Variants in UVRAG observed in about 807,000 individuals in gnomAD.
UVRAG encodes UV radiation resistance-associated gene protein.
A neutral mutation model predicts 78.0 loss-of-function variants in UVRAG; 19 were observed. The ratio of observed to expected loss-of-function variants is 0.24; its 90% CI spans 0.17 to 0.36. UVRAG has a LOEUF of 0.36. Ranked by LOEUF, UVRAG falls within the 10% of genes least tolerant of loss-of-function variation. The pLI, the probability that UVRAG is intolerant of heterozygous loss-of-function variation, is 1.00. For missense variants in UVRAG, 740 were observed against 853.8 expected, an observed-to-expected ratio of 0.87 and a Z score of 1.66; for synonymous variants, 323 against 324.6, an observed-to-expected ratio of 1.00 and a Z score of 0.05.
chr11:75,965,924 A>G (rs889210990), intron 7 of UVRAG, among the ~76,000 whole-genome samples: 4 of 152,126 alleles, frequency 2.6e-5, no homozygotes, highest in East Asian at 1.9e-4. Flanking sequence ...GACAAAAAAA[A>G]TAGTAAGAAC....
chr11:76,029,604 A>G (rs1477146675), intron 12 of UVRAG, among the ~76,000 whole-genome samples: 1 of 152,188 alleles, frequency 6.6e-6, no homozygotes, highest in Non-Finnish European at 1.5e-5. Context: ...TAACTATTTC[A>G]TGATAAAAGT....
intron 6 of UVRAG, among the ~76,000 whole-genome samples, chr11:75,913,740 T>G (rs766830522): frequency 3.3e-5 from 5 of 152,196 alleles, no homozygotes; most frequent in Non-Finnish European, 5.9e-5. Flanking sequence ...GTAGATCCTT[T>G]TAATAGTCTC....
intron 1 of UVRAG, among the ~76,000 whole-genome samples, chr11:75,821,221 A>G (rs1945378334): frequency 6.6e-6 from 1 of 152,144 alleles, no homozygotes; most frequent in Non-Finnish European, 1.5e-5. Context: ...CAATGTTTTC[A>G]AGGTTCATCC....
At chr11:75,976,513 G>A (rs1298352151) in intron 7 of UVRAG, among the ~76,000 whole-genome samples, 1 of 152,152 alleles carries the variant, frequency 6.6e-6, no homozygotes, top group East Asian at 1.9e-4. Flanking sequence ...TTTTTTGGTT[G>A]GTAGGCTCTT....
intron 1 of UVRAG, among the ~76,000 whole-genome samples, chr11:75,839,936 A>G (rs993164914): frequency 1.3e-5 from 2 of 151,842 alleles, no homozygotes; most frequent in South Asian, 2.1e-4. Context: ...CCCCACTTCA[A>G]TAACTATTAA....
At chr11:76,132,501 C>G (rs1952530040) in intron 14 of UVRAG, among the ~76,000 whole-genome samples, 2 of 151,032 alleles carry the variant, frequency 1.3e-5, no homozygotes, top group African/African-American at 4.9e-5. Context: ...AGTGTGGGAC[C>G]TGGTTGTAGA....
At chr11:76,022,329 C>T (rs924825161) in intron 12 of UVRAG, among the ~76,000 whole-genome samples, 1 of 152,062 alleles carries the variant, frequency 6.6e-6, no homozygotes, top group South Asian at 2.1e-4. Flanking sequence ...CTCAAGTCCT[C>T]GATTTCCTTA....
rs112318713 is a variant in UVRAG at position 76,072,057 on chromosome 11, T to G, written c.1305+6269T>G. Among the ~76,000 whole-genome samples the G allele has an allele frequency of 7.2e-3, 1,090 of 151,956 alleles. 17 individuals are homozygous for G. The highest frequency in any genetic ancestry group is 0.025 in the African/African-American group (1,042 of 41,444). ...CATCAACATAAGGATGGTATTTAAA[T>G]CCAGAGAACTAGATGAGATTACCCA... On this transcript the variant is annotated intron_variant, in intron 13 of 14. Coordinates refer to ENST00000356136, the MANE Select transcript of UVRAG (RefSeq NM_003369.4).
At chr11:75,916,801 T>C (rs995034262) in intron 6 of UVRAG, 1 of 152,224 alleles carries the variant, frequency 6.6e-6, no homozygotes, top group Admixed American at 6.5e-5. Flanking sequence ...GCTAAAATCA[T>C]AGGGGGTCTA....
At chr11:75,954,868 G>A (rs1240941354) in intron 6 of UVRAG, among the ~76,000 whole-genome samples, 7 of 152,188 alleles carry the variant, frequency 4.6e-5, no homozygotes, top group Non-Finnish European at 8.8e-5. Flanking sequence ...ACCTCTACCT[G>A]TCCGTAATAG....
intron 4 of UVRAG, among the ~76,000 whole-genome samples, chr11:75,883,885 A>T (rs7937633): frequency 0.053 from 8,024 of 152,282 alleles, 260 homozygotes; most frequent in African/African-American, 0.091. Context: ...TTGAGTAACC[A>T]CCACCATAAT....
At chr11:75,902,236 G>T (rs1384177099) in intron 5 of UVRAG, among the ~76,000 whole-genome samples, 1 of 152,222 alleles carries the variant, frequency 6.6e-6, no homozygotes, top group African/African-American at 2.4e-5. Flanking sequence ...TGGCACCAGG[G>T]ATCGGTTTTG....
chr11:75,920,008 G>GTTTTTTGTT (rs1947941022), intron 6 of UVRAG, among the ~76,000 whole-genome samples: 9 of 55,464 alleles, frequency 1.6e-4, no homozygotes, highest in African/African-American at 4.7e-4. Context: ...AATAATTTTG[G>GTTTTTTGTT]TTTTTTTTTT....
At chr11:76,089,372 C>A (rs1454106838) in intron 13 of UVRAG, among the ~76,000 whole-genome samples, 1 of 152,096 alleles carries the variant, frequency 6.6e-6, no homozygotes, top group Non-Finnish European at 1.5e-5. Flanking sequence ...CTTTCACTGA[C>A]AATTTTATTT....
At chr11:75,974,531 T>C (rs1261313255) in intron 7 of UVRAG, among the ~76,000 whole-genome samples, 4 of 149,412 alleles carry the variant, frequency 2.7e-5, no homozygotes, top group Admixed American at 2.7e-4. Context: ...CGCGCCCGGC[T>C]AATTTTTTGT....
chr11:75,912,495 G>C (rs1947761269), intron 6 of UVRAG, among the ~76,000 whole-genome samples: 1 of 152,210 alleles, frequency 6.6e-6, no homozygotes, highest in Admixed American at 6.5e-5. Flanking sequence ...CTAATGCTCA[G>C]AGGCTTAAAG....
At position 76,047,248 on chromosome 11, in the gene UVRAG, A is replaced by G. The variant is rs1950776504; in HGVS notation, c.1227-18462A>G. ...ATAGAACATTTGCACTGGGCCCTGA[A>G]GGGTGGGAGCAATCTGAAGAGGAGG... On this transcript the variant is annotated intron_variant, in intron 12 of 14. Coordinates refer to ENST00000356136, the MANE Select transcript of UVRAG (RefSeq NM_003369.4). 2.0e-5 allele frequency among the ~76,000 whole-genome samples: 3 copies of G among 152,140 alleles called. No individual in the cohort carries two copies. The South Asian group carries it at 6.2e-4, about 32-fold the overall frequency.
At chr11:75,873,551 A>T (rs1309624582) in intron 3 of UVRAG, among the ~76,000 whole-genome samples, 1 of 151,874 alleles carries the variant, frequency 6.6e-6, no homozygotes, top group Non-Finnish European at 1.5e-5. Context: ...CAGGAAAAGA[A>T]TGGGTGGGGG....
At chr11:75,989,721 A>G (rs757376832) in intron 8 of UVRAG, among the ~76,000 whole-genome samples, 1 of 152,158 alleles carries the variant, frequency 6.6e-6, no homozygotes, top group Non-Finnish European at 1.5e-5. Flanking sequence ...TTCTCCCTCA[A>G]ATGAAAGTTT....
Sources: gnomAD v4.1 joint callset for allele counts (sites outside exome capture counted in the v4.1 genomes callset) on GRCh38, gnomAD v4.1.1 for gene constraint, MANE v1.5 for transcripts, NCBI Gene and HGNC (gene_info 2026-07-23, HGNC 2026-07-21) for gene names.